The following NR6A1 variants were observed in gnomAD, a reference collection of about 807,000 sequenced individuals.
NR6A1 encodes the protein retinoic acid receptor-related testis-associated receptor.
In NR6A1, 7 loss-of-function variants were observed where a neutral mutation model predicts 59.1. The ratio of observed to expected loss-of-function variants is 0.12; its 90% CI spans 0.07 to 0.22. The LOEUF is 0.22. NR6A1 is among the 10% of genes least tolerant of loss of function. The pLI, the probability that NR6A1 is intolerant of heterozygous loss-of-function variation, is 1.00. For synonymous variants in NR6A1, 243 were observed against 236.1 expected, an observed-to-expected ratio of 1.03 and a Z score of -0.27; for missense variants, 468 against 611.6, an observed-to-expected ratio of 0.77 and a Z score of 2.48.
intron 2 of NR6A1, among the ~76,000 whole-genome samples, chr9:124,567,989 C>A (rs1834319912): frequency 6.7e-6 from 1 of 149,402 alleles, no homozygotes; most frequent in African/African-American, 2.5e-5. Flanking sequence ...TCCTGGCTAA[C>A]ATGGTGAAAC....
At chr9:124,525,322 C>CAT (rs3223288) in intron 8 of NR6A1, among the ~76,000 whole-genome samples, 1 of 150,378 alleles carries the variant, frequency 6.6e-6, no homozygotes, top group African/African-American at 2.5e-5. Context: ...CACACACACA[C>CAT]AGCACCCTCC....
At chr9:124,741,195 A>AT (rs1240141098) in intron 1 of NR6A1, among the ~76,000 whole-genome samples, 2 of 152,244 alleles carry the variant, frequency 1.3e-5, no homozygotes, top group Non-Finnish European at 2.9e-5. Context: ...CTTAATTTAA[A>AT]TGGCCGTATG....
intron 2 of NR6A1, among the ~76,000 whole-genome samples, chr9:124,693,450 T>C (rs1838631266): frequency 6.6e-6 from 1 of 152,224 alleles, no homozygotes; most frequent in African/African-American, 2.4e-5. Flanking sequence ...GGTACTAATA[T>C]GCAAGCACTG....
chr9:124,534,125 T>G (rs756677117), intron 7 of NR6A1, among the ~76,000 whole-genome samples: 225 of 148,210 alleles, frequency 1.5e-3, no homozygotes, highest in Non-Finnish European at 2.3e-3. Flanking sequence ...CAGGCTGGAG[T>G]GCAATGGCAC....
At chr9:124,582,977 A>G (rs1415143431) in intron 2 of NR6A1, among the ~76,000 whole-genome samples, 6 of 152,146 alleles carry the variant, frequency 3.9e-5, no homozygotes, top group Non-Finnish European at 7.4e-5. Context: ...TTCCCCCCCA[A>G]AGCACTCAAT....
chr9:124,670,383 T>C (rs1304144380), intron 2 of NR6A1, among the ~76,000 whole-genome samples: 1 of 152,188 alleles, frequency 6.6e-6, no homozygotes, highest in Admixed American at 6.5e-5. Context: ...AGTGAGACAC[T>C]TTCAAAGAAC....
intron 2 of NR6A1, among the ~76,000 whole-genome samples, chr9:124,692,169 G>A (rs945865580): frequency 1.3e-5 from 2 of 152,082 alleles, no homozygotes; most frequent in African/African-American, 2.4e-5. Context: ...TCTTACCCTT[G>A]TTAACAATTA....
chr9:124,725,973 G>T (rs1342029178), intron 2 of NR6A1, among the ~76,000 whole-genome samples: 1 of 152,170 alleles, frequency 6.6e-6, no homozygotes, highest in African/African-American at 2.4e-5. Context: ...CTTGCCAGAT[G>T]TAGCTACTTA....
intron 1 of NR6A1, among the ~76,000 whole-genome samples, chr9:124,749,918 T>C (rs1588852652): frequency 6.6e-6 from 1 of 152,362 alleles, no homozygotes; most frequent in South Asian, 2.1e-4. Flanking sequence ...TCAACTGGAC[T>C]TCCAGAGTAA....
At chr9:124,758,122 AT>A (rs1017022749) in intron 1 of NR6A1, among the ~76,000 whole-genome samples, 4 of 152,094 alleles carry the variant, frequency 2.6e-5, no homozygotes, top group African/African-American at 9.7e-5. Context: ...GAAAGGGAAT[AT>A]TTTTTTGTGG....
At position 124,662,477 on chromosome 9, in the gene NR6A1, G is replaced by A. The variant is rs577636292; in HGVS notation, c.142+70831C>T. Reference sequence around the variant, plus strand: ...CTGCAGGATTTATATAGAACGGCTCGCAGTGAAGTATGTAAAGTATCTAGT... The same window carrying A: ...CTGCAGGATTTATATAGAACGGCTCACAGTGAAGTATGTAAAGTATCTAGT... On this transcript the variant is annotated intron_variant, in intron 2 of 9. Transcript: ENST00000487099. Among the ~76,000 whole-genome samples the A allele has an allele frequency of 6.5e-4, 99 of 152,138 alleles. 1 individual carries two copies. The South Asian group carries it at 0.018, about 28-fold the overall frequency.
intron 2 of NR6A1, among the ~76,000 whole-genome samples, chr9:124,586,919 CA>C (rs952146120): frequency 2.6e-5 from 4 of 152,208 alleles, no homozygotes; most frequent in Non-Finnish European, 4.4e-5. Flanking sequence ...AGAAGATTGA[CA>C]TGAATTTTGA....
chr9:124,634,000 T>C (rs1178567631), intron 2 of NR6A1, among the ~76,000 whole-genome samples: 1 of 152,262 alleles, frequency 6.6e-6, no homozygotes, highest in Non-Finnish European at 1.5e-5. Flanking sequence ...TTTTGGAATA[T>C]GATGATAGCC....
intron 2 of NR6A1, among the ~76,000 whole-genome samples, chr9:124,726,467 G>T (rs1675994611): frequency 6.6e-6 from 1 of 152,204 alleles, no homozygotes; most frequent in South Asian, 2.1e-4. Context: ...GATGAAGATG[G>T]ATTGATTCAG....
At chr9:124,604,968 T>A (rs2130829416) in intron 2 of NR6A1, among the ~76,000 whole-genome samples, 1 of 152,258 alleles carries the variant, frequency 6.6e-6, no homozygotes, top group South Asian at 2.1e-4. Context: ...CAAGAAATAC[T>A]GGAATTAGAA....
rs79364990 is a variant in NR6A1 at position 124,566,366 on chromosome 9, C to G, written c.143-11796G>C. Among the ~76,000 whole-genome samples, 566 of 152,226 alleles carry G rather than the reference C, an allele frequency of 3.7e-3. 21 individuals carry two copies. In the East Asian group the frequency reaches 0.081, roughly 22 times the overall value. ...ATTAAGCTGTACATTTGTATTTTAT[C>G]TATTTATCTTTAAGTATTAATATTT... On this transcript the variant is annotated intron_variant, in intron 2 of 9. Coordinates refer to ENST00000487099, the MANE Select transcript of NR6A1 (RefSeq NM_033334.4).
chr9:124,723,727 T>C (rs1469793099), intron 2 of NR6A1, among the ~76,000 whole-genome samples: 1 of 152,218 alleles, frequency 6.6e-6, no homozygotes, highest in Non-Finnish European at 1.5e-5. Flanking sequence ...TTCCAAACTT[T>C]AAATATATTA....
intron 2 of NR6A1, among the ~76,000 whole-genome samples, chr9:124,568,187 A>AAG (rs1371503610): frequency 6.8e-6 from 1 of 146,054 alleles, no homozygotes; most frequent in African/African-American, 2.5e-5. Flanking sequence ...AAAAAAAAAA[A>AAG]AAAAAAAAGA....
rs921583309 is a variant in NR6A1 at position 124,771,139 on chromosome 9, G to A, written c.-20C>T. ...CTCCATGCGGTGGTGCCTAGGGTCC[G>A]CGCCGGGTTTGTTGCTCCGCCATGA... is the stretch of plus-strand genomic sequence containing the variant. On this transcript the variant is annotated 5_prime_UTR_variant, in exon 1 of 10. Transcript: ENST00000487099. 6.6e-6 allele frequency: 8 copies of A among 1,207,954 alleles called. No homozygotes were observed. The Admixed American group carries it at 1.7e-4, about 26-fold the overall frequency. 74.8% of individuals were successfully genotyped at this position (1,207,954 alleles called of 1,614,324 possible).
Sources: allele counts gnomAD v4.1 joint callset (sites outside exome capture counted in the v4.1 genomes callset), GRCh38; gene constraint gnomAD v4.1.1; transcripts MANE v1.5; gene names NCBI Gene and HGNC (gene_info 2026-07-23, HGNC 2026-07-21).